CCDC3: variants seen among roughly 807,000 people sequenced by gnomAD.
The protein encoded by CCDC3 is coiled-coil domain containing 3.
A neutral mutation model predicts 21.4 loss-of-function variants in CCDC3; 24 were observed. The observed-to-expected ratio is 1.12, with a 90% confidence interval of 0.81 to 1.58. The LOEUF (loss-of-function observed/expected upper bound fraction) is 1.58. Ranked by LOEUF, CCDC3 falls within the 40% of genes most tolerant of loss-of-function variation. The pLI, the probability that CCDC3 is intolerant of heterozygous loss-of-function variation, is 0.00. For synonymous variants in CCDC3, 186 were observed against 166.0 expected (o/e 1.12, Z -0.93); for missense variants, 425 against 360.9 (o/e 1.18, Z -1.44).
chr10:12,966,881 T>A (rs1011078753), intron 2 of CCDC3, among the ~76,000 whole-genome samples: 8 of 152,186 alleles, frequency 5.3e-5, no homozygotes, highest in African/African-American at 1.9e-4. Context: ...GTTTCCCGTA[T>A]CTTATCTCTT....
chr10:13,071,521 C>G (rs1289818843), intron 4 of CCDC3, among the ~76,000 whole-genome samples: 2 of 152,212 alleles, frequency 1.3e-5, no homozygotes, highest in East Asian at 3.8e-4. Flanking sequence ...AGGGAATTCA[C>G]AGGCTACTGA....
chr10:13,040,379 TG>T (rs1476586046), intron 5 of CCDC3, among the ~76,000 whole-genome samples: 12 of 152,130 alleles, frequency 7.9e-5, no homozygotes, highest in Non-Finnish European at 1.2e-4. Context: ...CAGTGGAGGT[TG>T]AACAACCAGC....
At chr10:13,042,920 A>G (rs1836480527) in intron 5 of CCDC3, among the ~76,000 whole-genome samples, 1 of 151,290 alleles carries the variant, frequency 6.6e-6, no homozygotes, top group Admixed American at 6.6e-5. Flanking sequence ...AAAAAAAAAA[A>G]AAAAAAAGAA....
intron 2 of CCDC3, among the ~76,000 whole-genome samples, chr10:12,976,152 C>A (rs1441777480): frequency 6.6e-6 from 1 of 152,204 alleles, no homozygotes; most frequent in East Asian, 1.9e-4. Flanking sequence ...CTCTAGAGAC[C>A]CGGCCTTGGC....
chr10:13,095,881 A>G (rs1433073396), intron 3 of CCDC3, among the ~76,000 whole-genome samples: 1 of 152,152 alleles, frequency 6.6e-6, no homozygotes, highest in Non-Finnish European at 1.5e-5. Context: ...GTATATTTCC[A>G]TCATCCCCCA....
At chr10:13,052,555 A>G (rs1836620898) in intron 4 of CCDC3, among the ~76,000 whole-genome samples, 1 of 152,202 alleles carries the variant, frequency 6.6e-6, no homozygotes, top group African/African-American at 2.4e-5. Flanking sequence ...GATCTGCTGT[A>G]CAATGCTGCA....
At chr10:13,079,974 AAAG>A (rs956028483) in intron 3 of CCDC3, among the ~76,000 whole-genome samples, 5 of 152,252 alleles carry the variant, frequency 3.3e-5, no homozygotes, top group African/African-American at 7.2e-5. Context: ...TAGGTACTTT[AAAG>A]AAGAAGGTCA....
At chr10:12,968,690 A>G (rs954602527) in intron 2 of CCDC3, among the ~76,000 whole-genome samples, 1 of 152,222 alleles carries the variant, frequency 6.6e-6, no homozygotes, top group African/African-American at 2.4e-5. Flanking sequence ...AGGGATATAC[A>G]AGATGTAAAC....
chr10:12,906,744 T>C (rs748561414), intron 2 of CCDC3, among the ~76,000 whole-genome samples: 3 of 152,122 alleles, frequency 2.0e-5, no homozygotes, highest in Non-Finnish European at 2.9e-5. Context: ...CTAGAACTGC[T>C]CTGAAGATGA....
At chr10:12,917,180 CTTTTTTTTTTTTTTTTTTTTT>C (rs56054100) in intron 2 of CCDC3, among the ~76,000 whole-genome samples, 1 of 58,224 alleles carries the variant, frequency 1.7e-5, no homozygotes, top group Non-Finnish European at 3.0e-5. Flanking sequence ...ATTTCTTCTT[CTTTTTTTTTTTTTTTTTTTTT>C]TTTTTTTTTT....
chr10:12,933,104 T>C (rs541461531), intron 2 of CCDC3, among the ~76,000 whole-genome samples: 3 of 152,182 alleles, frequency 2.0e-5, no homozygotes, highest in Non-Finnish European at 4.4e-5. Flanking sequence ...TCATGAGATA[T>C]GGGTCTATTG....
intron 5 of CCDC3, among the ~76,000 whole-genome samples, chr10:13,011,278 C>T (rs12261826): frequency 1.8e-4 from 28 of 151,918 alleles, no homozygotes; most frequent in African/African-American, 6.8e-4. Context: ...GATTCTATAT[C>T]TAGAAAACCT....
intron 3 of CCDC3, among the ~76,000 whole-genome samples, chr10:13,082,548 TG>T (rs1437769207): frequency 1.3e-5 from 2 of 152,094 alleles, no homozygotes; most frequent in African/African-American, 2.4e-5. Flanking sequence ...CCACAAGAGG[TG>T]GTGGAGCAGA....
rs74119660 is a variant in CCDC3, at chr10:12,965,971, C to T, written c.549+32367G>A. On this transcript the variant is annotated intron_variant, in intron 2 of 2. Transcript: ENST00000378825. ...ATAAGGAGTTCATTTTTGATGACCACAAATCATTAAGTTTCTCCAGCACAG... is the reference window on the plus strand; with the variant it reads ...ATAAGGAGTTCATTTTTGATGACCATAAATCATTAAGTTTCTCCAGCACAG... Among the ~76,000 whole-genome samples, 201 of 152,260 alleles carry T rather than the reference C, an allele frequency of 1.3e-3. 1 individual carries two copies. Among genetic ancestry groups the T allele is most frequent in the African/African-American group, 4.7e-3 (195 of 41,560 alleles).
At chr10:13,032,755 A>T (rs1479597038) in intron 5 of CCDC3, among the ~76,000 whole-genome samples, 5 of 152,196 alleles carry the variant, frequency 3.3e-5, no homozygotes, top group Non-Finnish European at 7.3e-5. Flanking sequence ...CTTCAAACAG[A>T]ATAAAATACC....
chr10:12,951,804 C>CAAAAAAAA (rs71924811), intron 2 of CCDC3, among the ~76,000 whole-genome samples: 1,436 of 60,336 alleles, frequency 0.024, 250 homozygotes, highest in Middle Eastern at 0.15. Flanking sequence ...GACTTCATCT[C>CAAAAAAAA]AAAAAAAAAA....
At chr10:13,091,820 CAAAAAAAAA>C (rs5783305) in intron 3 of CCDC3, among the ~76,000 whole-genome samples, 8 of 127,354 alleles carry the variant, frequency 6.3e-5, no homozygotes, top group Non-Finnish European at 8.2e-5. Context: ...AAGCCCAATC[CAAAAAAAAA>C]AAAAAAAAAA....
chr10:13,009,439 G>A (rs538594888), intron 5 of CCDC3, among the ~76,000 whole-genome samples: 2 of 152,310 alleles, frequency 1.3e-5, no homozygotes, highest in Admixed American at 6.5e-5. Flanking sequence ...CATATGGAAT[G>A]TAGAGAACTG....
chr10:13,078,920 T>C (rs529139923), intron 3 of CCDC3, among the ~76,000 whole-genome samples: 9 of 152,048 alleles, frequency 5.9e-5, no homozygotes, highest in African/African-American at 2.2e-4. Context: ...AAATGACGAG[T>C]TAATGGGTGC....
Sources: allele counts gnomAD v4.1 joint callset (sites outside exome capture counted in the v4.1 genomes callset), GRCh38; gene constraint gnomAD v4.1.1; transcripts MANE v1.5; gene names NCBI Gene and HGNC (gene_info 2026-07-23, HGNC 2026-07-21).